Variants in GPC5 observed in about 807,000 individuals in gnomAD.
GPC5 encodes the protein glypican-5.
A neutral mutation model predicts 53.9 loss-of-function variants in GPC5; 47 were observed. That is an observed-to-expected ratio of 0.87 (90% CI 0.69 to 1.11). The LOEUF (loss-of-function observed/expected upper bound fraction) is 1.11. Ranked by LOEUF, GPC5 falls within the 50% of genes most tolerant of loss-of-function variation. The probability of loss-of-function intolerance (pLI) is 0.00; values close to 1 mark genes in which losing one functional copy is unlikely to be tolerated. For missense variants in GPC5, 748 were observed against 713.1 expected (o/e 1.05, Z -0.56); for synonymous variants, 286 against 263.3 (o/e 1.09, Z -0.84).
chr13:92,436,091 A>C (rs2139379892), intron 7 of GPC5, among the ~76,000 whole-genome samples: 1 of 152,304 alleles, frequency 6.6e-6, no homozygotes, highest in African/African-American at 2.4e-5. Context: ...TCAGACCATA[A>C]GTTACCATCT....
At chr13:92,439,784 A>T (rs1348088863) in intron 7 of GPC5, among the ~76,000 whole-genome samples, 1 of 152,172 alleles carries the variant, frequency 6.6e-6, no homozygotes, top group Non-Finnish European at 1.5e-5. Flanking sequence ...AATAAGAAAG[A>T]AGACAGAACA....
chr13:91,753,839 C>T (rs1442758468), intron 4 of GPC5, among the ~76,000 whole-genome samples: 1 of 152,080 alleles, frequency 6.6e-6, no homozygotes, highest in Non-Finnish European at 1.5e-5. Context: ...TTGTAAATAT[C>T]TTCTGATTCC....
In GPC5 at chr13:91,514,397, C is replaced by A. The variant is rs1004785931; in HGVS notation, c.325+65475C>A. Reference sequence around the variant, plus strand: ...TTTGCATTTCCCTAATAGGCTAATGCTGTTGAACATATTCTTATATGCTTA... The same window carrying A: ...TTTGCATTTCCCTAATAGGCTAATGATGTTGAACATATTCTTATATGCTTA... On this transcript the variant is annotated intron_variant, in intron 2 of 7. Coordinates refer to ENST00000377067, the MANE Select transcript of GPC5 (RefSeq NM_004466.6). 1.4e-4 allele frequency among the ~76,000 whole-genome samples: 22 copies of A among 152,224 alleles called. 1 individual carries two copies. The highest frequency in any genetic ancestry group is 7.2e-4 in the Admixed American group (11 of 15,288).
At position 92,442,796 on chromosome 13, in the gene GPC5, T is replaced by C. The variant is rs1034595095; in HGVS notation, c.1561+297807T>C. Among the ~76,000 whole-genome samples, 5 of 152,196 alleles carry C rather than the reference T, an allele frequency of 3.3e-5. No individual in the cohort carries two copies. The East Asian group carries it at 5.8e-4, about 18-fold the overall frequency. Reference sequence around the variant, plus strand: ...TAAGAGTATCAGGTCTACATGATCCTGAGAATTTCAATCCTCCTAAAGTAG... The same window carrying C: ...TAAGAGTATCAGGTCTACATGATCCCGAGAATTTCAATCCTCCTAAAGTAG... On this transcript the variant is annotated intron_variant, in intron 7 of 7. Coordinates refer to ENST00000377067, the MANE Select transcript of GPC5 (RefSeq NM_004466.6).
intron 7 of GPC5, among the ~76,000 whole-genome samples, chr13:92,843,748 C>A (rs1232845368): frequency 1.3e-5 from 2 of 152,072 alleles, no homozygotes; most frequent in African/African-American, 4.8e-5. Flanking sequence ...CTTGAAAAAA[C>A]AGCTGTAATT....
At chr13:92,751,315 A>AAC (rs1555309364) in intron 7 of GPC5, among the ~76,000 whole-genome samples, 1 of 143,282 alleles carries the variant, frequency 7.0e-6, no homozygotes, top group Non-Finnish European at 1.5e-5. Flanking sequence ...AAAAAAAAAA[A>AAC]AAAAAAAAAA....
chr13:91,597,897 G>C (rs1007302287), intron 2 of GPC5, among the ~76,000 whole-genome samples: 1 of 144,682 alleles, frequency 6.9e-6, no homozygotes, highest in African/African-American at 2.6e-5. Context: ...AATTTTTCAA[G>C]CATGGAATGT....
intron 7 of GPC5, among the ~76,000 whole-genome samples, chr13:92,300,781 T>C (rs1434277798): frequency 2.0e-5 from 3 of 152,356 alleles, no homozygotes; most frequent in Middle Eastern, 6.8e-3. Flanking sequence ...GAATTTATAT[T>C]GAGTTAGTCT....
intron 3 of GPC5, among the ~76,000 whole-genome samples, chr13:91,703,846 T>A (rs2036043064): frequency 6.6e-6 from 1 of 152,226 alleles, no homozygotes; most frequent in Non-Finnish European, 1.5e-5. Context: ...TCTATTCAGA[T>A]TCTCTACTTC....
rs1432397089 is a variant in GPC5, at chr13:91,905,660, C to T, written c.1281-2277C>T. ...AGGAAGAACTGGATATTTATTGAAACCCCTTTAATATAGCCATAATCTCAA... is the reference window on the plus strand; with the variant it reads ...AGGAAGAACTGGATATTTATTGAAATCCCTTTAATATAGCCATAATCTCAA... On this transcript the variant is annotated intron_variant, in intron 5 of 7. Transcript: ENST00000377067. Among the ~76,000 whole-genome samples, 4 of 152,128 alleles carry T rather than the reference C, an allele frequency of 2.6e-5. No homozygotes were observed. In the East Asian group the frequency reaches 5.8e-4, roughly 22 times the overall value.
intron 6 of GPC5, among the ~76,000 whole-genome samples, chr13:92,086,836 T>G (rs542655750): frequency 1.3e-5 from 2 of 152,292 alleles, no homozygotes; most frequent in African/African-American, 4.8e-5. Context: ...TTTTTGTATT[T>G]TTAGTAGGGA....
At chr13:92,780,884 T>C (rs1039218560) in intron 7 of GPC5, among the ~76,000 whole-genome samples, 1 of 152,104 alleles carries the variant, frequency 6.6e-6, no homozygotes, top group Admixed American at 6.5e-5. Flanking sequence ...AAAAATTCCC[T>C]AAATTATTTT....
rs936476314 is a variant in GPC5, at chr13:92,801,027, G to GA, written c.1562-65245dup. ...TGGTTTCTAGATGTTACTAAAAAAA[G>GA]AAAAAAAAAAGAAAACTAGCTTTTT... On this transcript the variant is annotated intron_variant, in intron 7 of 7. Coordinates refer to ENST00000377067, the MANE Select transcript of GPC5 (RefSeq NM_004466.6). Among the ~76,000 whole-genome samples, 250 of 143,112 alleles carry GA rather than the reference G, an allele frequency of 1.7e-3. 1 individual carries two copies. The highest frequency in any genetic ancestry group is 4.5e-3 in the African/African-American group (176 of 39,180). The allele number at this position is 143,112 out of a possible 152,430, so 93.9% of individuals were successfully genotyped here.
At chr13:92,413,472 A>G (rs1198724661) in intron 7 of GPC5, among the ~76,000 whole-genome samples, 1 of 152,238 alleles carries the variant, frequency 6.6e-6, no homozygotes, top group Admixed American at 6.5e-5. Flanking sequence ...TGTACACTTG[A>G]TAAAAATCAA....
chr13:92,513,104 T>C (rs759912585), intron 7 of GPC5, among the ~76,000 whole-genome samples: 60 of 152,312 alleles, frequency 3.9e-4, no homozygotes, highest in Non-Finnish European at 3.1e-4. Flanking sequence ...CGGAAGGCCA[T>C]GTTACACTCA....
chr13:91,411,211 T>C (rs1594051615), intron 1 of GPC5, among the ~76,000 whole-genome samples: 1 of 152,234 alleles, frequency 6.6e-6, no homozygotes, highest in South Asian at 2.1e-4. Flanking sequence ...CCTGGAAATA[T>C]AAGATGGTTT....
At chr13:91,715,380 T>C (rs551333619) in intron 3 of GPC5, among the ~76,000 whole-genome samples, 1 of 152,370 alleles carries the variant, frequency 6.6e-6, no homozygotes, top group Non-Finnish European at 1.5e-5. Context: ...ATAAAACATA[T>C]TTGTATATAT....
chr13:92,551,800 T>C (rs532138817), intron 7 of GPC5, among the ~76,000 whole-genome samples: 3 of 151,874 alleles, frequency 2.0e-5, no homozygotes, highest in African/African-American at 7.2e-5. Flanking sequence ...TATGAAACTC[T>C]CCATGGAAAT....
chr13:91,702,651 A>AT (rs1223472196), intron 3 of GPC5, among the ~76,000 whole-genome samples: 2 of 151,898 alleles, frequency 1.3e-5, no homozygotes, highest in Middle Eastern at 3.4e-3. Flanking sequence ...AAATTTTAGG[A>AT]TTTTTTTCTC....
Sources: allele counts gnomAD v4.1 joint callset (sites outside exome capture counted in the v4.1 genomes callset), GRCh38; gene constraint gnomAD v4.1.1; transcripts MANE v1.5; gene names NCBI Gene and HGNC (gene_info 2026-07-23, HGNC 2026-07-21).